HSD17B4: variants seen among roughly 807,000 people sequenced by gnomAD.
The protein encoded by HSD17B4 is hydroxysteroid 17-beta dehydrogenase 4.
In HSD17B4, 70 loss-of-function variants were observed where a neutral mutation model predicts 101.0. That is an observed-to-expected ratio of 0.69 (90% CI 0.57 to 0.85). The LOEUF (loss-of-function observed/expected upper bound fraction) is 0.85, where lower values mean the gene tolerates loss of function less well. HSD17B4 is among the 40% of genes least tolerant of loss of function. The probability of loss-of-function intolerance (pLI) is 0.00; values close to 1 mark genes in which losing one functional copy is unlikely to be tolerated. For synonymous variants in HSD17B4, 347 were observed against 297.1 expected, an observed-to-expected ratio of 1.17 and a Z score of -1.73; for missense variants, 984 against 892.4, an observed-to-expected ratio of 1.10 and a Z score of -1.31.
intron 2 of HSD17B4, among the ~76,000 whole-genome samples, chr5:119,460,077 G>A (rs1361955054): frequency 5.3e-5 from 8 of 151,340 alleles, no homozygotes; most frequent in Non-Finnish European, 7.4e-5. Context: ...GAGTTTCACT[G>A]TGTTAGCCAG....
chr5:119,527,117 C>G lies in HSD17B4; in HGVS notation c.1681-16C>G. 1.3e-6 allele frequency: 2 copies of G among 1,495,162 alleles called. No individual in the cohort carries two copies. The highest frequency in any genetic ancestry group is 1.9e-6 in the Non-Finnish European group (2 of 1,072,464). The allele number at this position is 1,495,162 out of a possible 1,614,324, so 92.6% of individuals were successfully genotyped here. A position where few individuals can be genotyped will look rare whatever the true frequency, so the allele number is the denominator to read the frequency against. Reference sequence around the variant, plus strand: ...TCCTTTTAAAACATTTTTAACCCCACAATTCTTTTTTAAAGGCTCGTTTTG... The same window carrying G: ...TCCTTTTAAAACATTTTTAACCCCAGAATTCTTTTTTAAAGGCTCGTTTTG... On this transcript the variant is annotated splice_polypyrimidine_tract_variant and intron_variant, in intron 19 of 23. Transcript: ENST00000510025.
At chr5:119,511,685 A>G (rs1191055912) in intron 16 of HSD17B4, among the ~76,000 whole-genome samples, 1 of 152,214 alleles carries the variant, frequency 6.6e-6, no homozygotes, top group Non-Finnish European at 1.5e-5. Flanking sequence ...TCTGAGGAGC[A>G]ATATCAGAGG....
chr5:119,519,012 G>A (rs779789096), intron 17 of HSD17B4, among the ~76,000 whole-genome samples: 91 of 152,148 alleles, frequency 6.0e-4, no homozygotes, highest in Non-Finnish European at 8.1e-4. Flanking sequence ...GGTGGCATAC[G>A]CCTATTGTCC....
intron 8 of HSD17B4, among the ~76,000 whole-genome samples, chr5:119,485,457 A>G (rs1192106641): frequency 6.6e-6 from 1 of 152,174 alleles, no homozygotes; most frequent in East Asian, 1.9e-4. Flanking sequence ...CCACAAAGTA[A>G]GAAAGTTATA....
chr5:119,516,789 C>G (rs1752649280), intron 17 of HSD17B4, among the ~76,000 whole-genome samples: 1 of 152,180 alleles, frequency 6.6e-6, no homozygotes, highest in Non-Finnish European at 1.5e-5. Flanking sequence ...CTTGGATACT[C>G]AAGATATAGA....
At chr5:119,532,865 G>A (rs904603658) in intron 22 of HSD17B4, among the ~76,000 whole-genome samples, 1 of 151,762 alleles carries the variant, frequency 6.6e-6, no homozygotes, top group African/African-American at 2.4e-5. Context: ...AAAATAAACA[G>A]TTTTTTTTCT....
At chr5:119,464,633 C>T (rs1475147415) in intron 2 of HSD17B4, 1 of 152,114 alleles carries the variant, frequency 6.6e-6, no homozygotes, top group Non-Finnish European at 1.5e-5. Flanking sequence ...CGCTCTGTCG[C>T]CCAGGTTGGA....
At chr5:119,517,390 C>T (rs991437433) in intron 17 of HSD17B4, among the ~76,000 whole-genome samples, 1 of 152,220 alleles carries the variant, frequency 6.6e-6, no homozygotes, top group Non-Finnish European at 1.5e-5. Flanking sequence ...GCCTCCCACC[C>T]CCTCCATGGG....
intron 16 of HSD17B4, among the ~76,000 whole-genome samples, chr5:119,514,031 T>C (rs901694494): frequency 2.0e-5 from 3 of 152,206 alleles, no homozygotes; most frequent in Non-Finnish European, 4.4e-5. Flanking sequence ...GACCTATAGA[T>C]TGAAGTCAGG....
chr5:119,525,589 A>G (rs1440433774), intron 18 of HSD17B4: 12 of 512,904 alleles, frequency 2.3e-5, no homozygotes, highest in Non-Finnish European at 4.2e-5. Flanking sequence ...CAAGGAACTG[A>G]AAGGTTAGGG....
chr5:119,494,376 T>TCTTTCTTTCTTTCTTTCTTTCTTC (rs1554064703), intron 11 of HSD17B4, among the ~76,000 whole-genome samples: 3 of 150,634 alleles, frequency 2.0e-5, no homozygotes, highest in African/African-American at 7.4e-5. Flanking sequence ...TTTCTTTCTT[T>TCTTTCTTTCTTTCTTTCTTTCTTC]CTTTCTTTCT....
intron 15 of HSD17B4, among the ~76,000 whole-genome samples, chr5:119,508,763 G>T (rs191732578): frequency 6.6e-6 from 1 of 152,152 alleles, no homozygotes; most frequent in Non-Finnish European, 1.5e-5. Flanking sequence ...TGCTCTTCTT[G>T]ACTGCTTTGG....
intron 22 of HSD17B4, among the ~76,000 whole-genome samples, chr5:119,535,228 A>T (rs1754434852): frequency 1.3e-5 from 2 of 151,914 alleles, no homozygotes; most frequent in South Asian, 4.2e-4. Flanking sequence ...AACAAAGATC[A>T]ATATCAGGAG....
intron 17 of HSD17B4, among the ~76,000 whole-genome samples, chr5:119,517,743 A>G (rs895188608): frequency 1.3e-5 from 2 of 152,068 alleles, no homozygotes; most frequent in Non-Finnish European, 2.9e-5. Context: ...GGGGCCTTGG[A>G]CAACCTTTAT....
At chr5:119,503,407 G>A (rs2126795044) in intron 14 of HSD17B4, among the ~76,000 whole-genome samples, 1 of 152,098 alleles carries the variant, frequency 6.6e-6, no homozygotes, top group Admixed American at 6.6e-5. Context: ...TATTTCTCAT[G>A]AATTATTTTT....
chr5:119,510,340 C>T (rs554887135), intron 16 of HSD17B4, among the ~76,000 whole-genome samples: 44 of 152,252 alleles, frequency 2.9e-4, no homozygotes, highest in African/African-American at 1.0e-3. Flanking sequence ...AAGTATTTCT[C>T]TTATGCAAGA....
chr5:119,452,882 G>A, intron 1 of HSD17B4: 2 of 1,531,754 alleles, frequency 1.3e-6, no homozygotes, highest in Non-Finnish European at 1.7e-6. Context: ...CCTGAGAGGA[G>A]AGGCCAGGCT....
chr5:119,461,177 A>T (rs1755192742), intron 2 of HSD17B4, among the ~76,000 whole-genome samples: 1 of 152,200 alleles, frequency 6.6e-6, no homozygotes, highest in African/African-American at 2.4e-5. Context: ...TTTCTCTCTC[A>T]ACATTTCAGT....
At chr5:119,531,466 T>G in intron 22 of HSD17B4, 62 bp downstream of exon 22, 6 of 1,516,566 alleles carry the variant, frequency 4.0e-6, no homozygotes, top group Non-Finnish European at 5.5e-6. Context: ...AAGTATCTTT[T>G]TAACAATTAA....
Sources: gnomAD v4.1 joint callset for allele counts (sites outside exome capture counted in the v4.1 genomes callset) on GRCh38, gnomAD v4.1.1 for gene constraint, MANE v1.5 for transcripts, NCBI Gene and HGNC (gene_info 2026-07-23, HGNC 2026-07-21) for gene names.